IQCM: variants seen among roughly 807,000 people sequenced by gnomAD.
IQCM encodes IQ motif containing M.
A neutral mutation model predicts 57.6 loss-of-function variants in IQCM; 45 were observed. The ratio of observed to expected loss-of-function variants is 0.78; its 90% CI spans 0.62 to 1.00. The LOEUF is 1.00. IQCM is among the 50% of genes least tolerant of loss of function. IQCM has a pLI of 0.00. For missense variants in IQCM, 468 were observed against 511.6 expected, an observed-to-expected ratio of 0.91 and a Z score of 0.82; for synonymous variants, 148 against 158.9, an observed-to-expected ratio of 0.93 and a Z score of 0.51.
chr4:149,764,386 C>T (rs796491028), intron 2 of IQCM, among the ~76,000 whole-genome samples: 72 of 152,290 alleles, frequency 4.7e-4, no homozygotes, highest in African/African-American at 1.6e-3. Flanking sequence ...TTCATCTATT[C>T]TTCTGAGAGC....
chr4:149,614,822 C>T (rs1196750815), intron 8 of IQCM, among the ~76,000 whole-genome samples: 3 of 152,330 alleles, frequency 2.0e-5, no homozygotes, highest in South Asian at 4.1e-4. Context: ...ACATGTGGCC[C>T]ACAGGCTGCG....
At chr4:149,395,445 G>A (rs569510890) in intron 13 of IQCM, among the ~76,000 whole-genome samples, 1 of 152,114 alleles carries the variant, frequency 6.6e-6, no homozygotes, top group East Asian at 1.9e-4. Flanking sequence ...TCCAATTAGA[G>A]TGCTGCTCTT....
chr4:149,404,046 G>A (rs1239652211), intron 13 of IQCM, among the ~76,000 whole-genome samples: 1 of 151,858 alleles, frequency 6.6e-6, no homozygotes, highest in African/African-American at 2.4e-5. Flanking sequence ...TATTTGCTAG[G>A]CACCCTGTCA....
At chr4:149,617,877 G>T (rs769872179) in intron 8 of IQCM, among the ~76,000 whole-genome samples, 3 of 151,522 alleles carry the variant, frequency 2.0e-5, no homozygotes, top group Non-Finnish European at 4.4e-5. Context: ...AAATGGAAAA[G>T]CATCCCAGTC....
chr4:149,626,902 G>A lies in IQCM; in HGVS notation c.566-5658C>T, dbSNP rs546783861. ...CCCCTCCCTAATCTGAAAGATGGTAGAAAGATGCTTAATATCTCCCAAGGA... is the reference window on the plus strand; with the variant it reads ...CCCCTCCCTAATCTGAAAGATGGTAAAAAGATGCTTAATATCTCCCAAGGA... On this transcript the variant is annotated intron_variant, in intron 7 of 13. Coordinates refer to ENST00000636793, the MANE Select transcript of IQCM (RefSeq NM_001363507.2). Among the ~76,000 whole-genome samples the A allele has an allele frequency of 3.9e-5, 6 of 152,038 alleles. No individual in the cohort carries two copies. The East Asian group carries it at 1.2e-3, about 29-fold the overall frequency.
At chr4:149,428,008 C>T (rs556486769) in intron 13 of IQCM, among the ~76,000 whole-genome samples, 15 of 151,942 alleles carry the variant, frequency 9.9e-5, no homozygotes, top group African/African-American at 3.6e-4. Flanking sequence ...TGCATTTAAA[C>T]TTATCCAAAT....
intron 12 of IQCM, among the ~76,000 whole-genome samples, chr4:149,533,772 C>T (rs2149858426): frequency 6.6e-6 from 1 of 152,024 alleles, no homozygotes; most frequent in East Asian, 1.9e-4. Context: ...CAATTACCTC[C>T]CACTGAATCC....
intron 8 of IQCM, among the ~76,000 whole-genome samples, chr4:149,613,346 A>G (rs1415773691): frequency 6.6e-6 from 1 of 152,144 alleles, no homozygotes; most frequent in Non-Finnish European, 1.5e-5. Context: ...CAGTTTTCTG[A>G]CAGTACAATT....
intron 7 of IQCM, among the ~76,000 whole-genome samples, chr4:149,640,889 G>C (rs1387040648): frequency 6.6e-6 from 1 of 152,154 alleles, no homozygotes; most frequent in Non-Finnish European, 1.5e-5. Flanking sequence ...CAGCACTTTA[G>C]GGGGCCGAGG....
chr4:149,575,990 CA>C (rs1462692926), intron 9 of IQCM, among the ~76,000 whole-genome samples: 1 of 151,708 alleles, frequency 6.6e-6, no homozygotes, highest in Non-Finnish European at 1.5e-5. Context: ...AAATTCAGTT[CA>C]AAAAACACAA....
intron 12 of IQCM, among the ~76,000 whole-genome samples, chr4:149,528,940 A>G (rs900463335): frequency 5.9e-5 from 9 of 152,182 alleles, no homozygotes; most frequent in African/African-American, 2.2e-4. Flanking sequence ...AAGGGTCTTC[A>G]TTAAATAATA....
intron 12 of IQCM, among the ~76,000 whole-genome samples, chr4:149,538,659 TGA>T (rs1222967245): frequency 1.1e-4 from 17 of 151,956 alleles, no homozygotes; most frequent in African/African-American, 3.9e-4. Flanking sequence ...GCAAATAGGC[TGA>T]AAGAAAATAA....
chr4:149,591,878 G>A (rs371240436), intron 8 of IQCM, among the ~76,000 whole-genome samples: 23 of 152,146 alleles, frequency 1.5e-4, no homozygotes, highest in East Asian at 5.8e-4. Flanking sequence ...TTGGTTCCAA[G>A]TCTTTGCTAT....
intron 2 of IQCM, among the ~76,000 whole-genome samples, chr4:149,764,446 T>C (rs1769841271): frequency 6.6e-6 from 1 of 152,118 alleles, no homozygotes; most frequent in Non-Finnish European, 1.5e-5. Flanking sequence ...GAGACAACTT[T>C]TGTCGCTGTG....
intron 2 of IQCM, among the ~76,000 whole-genome samples, chr4:149,800,012 C>A (rs948825821): frequency 6.6e-6 from 1 of 151,650 alleles, no homozygotes; most frequent in Non-Finnish European, 1.5e-5. Flanking sequence ...TCTAGTAATA[C>A]CCTGATACCA....
At chr4:149,611,032 G>T (rs1322339669) in intron 8 of IQCM, among the ~76,000 whole-genome samples, 1 of 151,916 alleles carries the variant, frequency 6.6e-6, no homozygotes, top group East Asian at 1.9e-4. Flanking sequence ...TAAATAATCT[G>T]ATTTTAAAAT....
chr4:149,769,604 C>T (rs1770380402), intron 2 of IQCM, among the ~76,000 whole-genome samples: 1 of 150,702 alleles, frequency 6.6e-6, no homozygotes, highest in East Asian at 1.9e-4. Context: ...GTAGACCACG[C>T]CACAGTAATC....
intron 13 of IQCM, among the ~76,000 whole-genome samples, chr4:149,399,429 G>T (rs1050020959): frequency 3.3e-5 from 5 of 151,948 alleles, no homozygotes; most frequent in Non-Finnish European, 5.9e-5. Context: ...AGGAAGGGAG[G>T]TTGGGAGGAA....
intron 12 of IQCM, among the ~76,000 whole-genome samples, chr4:149,527,878 T>G (rs1248114313): frequency 6.6e-6 from 1 of 152,184 alleles, no homozygotes; most frequent in South Asian, 2.1e-4. Flanking sequence ...TTCCTTTCCC[T>G]GACATCAGCA....
Sources: gnomAD v4.1 joint callset for allele counts (sites outside exome capture counted in the v4.1 genomes callset) on GRCh38, gnomAD v4.1.1 for gene constraint, MANE v1.5 for transcripts, NCBI Gene and HGNC (gene_info 2026-07-23, HGNC 2026-07-21) for gene names.